The following CERK variants were observed in gnomAD, a reference collection of about 807,000 sequenced individuals.
CERK encodes ceramide kinase.
In CERK, 39 loss-of-function variants were observed where a neutral mutation model predicts 63.4. That is an observed-to-expected ratio of 0.61 (90% CI 0.48 to 0.80). CERK has a LOEUF of 0.80. CERK is among the 30% of genes least tolerant of loss of function. The probability of loss-of-function intolerance (pLI) is 0.00; values close to 1 mark genes in which losing one functional copy is unlikely to be tolerated. For missense variants in CERK, 670 were observed against 714.1 expected, an observed-to-expected ratio of 0.94 and a Z score of 0.70; for synonymous variants, 302 against 280.0, an observed-to-expected ratio of 1.08 and a Z score of -0.78.
At chr22:46,695,381 T>C (rs1233962574) in intron 8 of CERK, 66 bp from the exon 9 acceptor site, 7 of 983,242 alleles carry the variant, frequency 7.1e-6, no homozygotes, top group Non-Finnish European at 1.2e-5. Context: ...GATGCTGTGC[T>C]GGGCAGCTTC....
chr22:46,685,806 C>G lies in CERK; in HGVS notation c.*1328G>C, dbSNP rs1015460660. On this transcript the variant is annotated 3_prime_UTR_variant, in exon 13 of 13. Coordinates refer to ENST00000216264, the MANE Select transcript of CERK (RefSeq NM_022766.6). ...TGCCAGGAAATTCTGAAAATGGATG[C>G]TGCCTGTTAAACATGAAATCACTAA... 2 of 152,188 alleles carry G rather than the reference C, an allele frequency of 1.3e-5. No individual in the cohort carries two copies. The highest frequency in any genetic ancestry group is 4.8e-5 in the African/African-American group (2 of 41,440). The allele number at this position is 152,188 out of a possible 1,614,324, so 9.4% of individuals were successfully genotyped here.
In CERK at chr22:46,721,722, G is replaced by C. The variant is rs192645969; in HGVS notation, c.143-707C>G. Among the ~76,000 whole-genome samples the C allele has an allele frequency of 5.3e-5, 8 of 152,238 alleles. No homozygotes were observed. The East Asian group carries it at 1.4e-3, about 26-fold the overall frequency. ...GGAGGGAGACACGTGACAGGACCCG[G>C]GACAGCTGGAACCACGGAGCTTGCA... On this transcript the variant is annotated intron_variant, in intron 1 of 12. Transcript: ENST00000216264.
intron 6 of CERK, among the ~76,000 whole-genome samples, chr22:46,703,397 C>T (rs967628939): frequency 6.6e-6 from 1 of 152,202 alleles, no homozygotes; most frequent in African/African-American, 2.4e-5. Context: ...GACCTCTGCA[C>T]CTTCTAGCGG....
chr22:46,719,955 G>A, intron 3 of CERK, 131 bp downstream of exon 3: 1 of 1,241,772 alleles, frequency 8.1e-7, no homozygotes, highest in Non-Finnish European at 1.1e-6. Context: ...AATTAAGTCA[G>A]CCTGACTCAT....
chr22:46,732,265 C>T (rs1418031562), intron 1 of CERK, among the ~76,000 whole-genome samples: 1 of 152,086 alleles, frequency 6.6e-6, no homozygotes. Flanking sequence ...GAGGAGAACT[C>T]GTGCCTGGAA....
intron 1 of CERK, among the ~76,000 whole-genome samples, chr22:46,731,657 G>C (rs370903499): frequency 6.6e-6 from 1 of 152,246 alleles, no homozygotes; most frequent in South Asian, 2.1e-4. Context: ...AGGGAGGGCA[G>C]AGGGCACCTG....
intron 1 of CERK, among the ~76,000 whole-genome samples, chr22:46,730,114 T>C (rs555796032): frequency 6.6e-6 from 1 of 151,896 alleles, no homozygotes; most frequent in Non-Finnish European, 1.5e-5. Flanking sequence ...CAGTTGAACA[T>C]ACTTGAAGTT....
At chr22:46,698,317 C>A (rs575368642) in intron 8 of CERK, among the ~76,000 whole-genome samples, 1 of 152,256 alleles carries the variant, frequency 6.6e-6, no homozygotes, top group African/African-American at 2.4e-5. Flanking sequence ...GCGGCCGAGC[C>A]GCAGGAAGGC....
At position 46,720,998 on chromosome 22, in the gene CERK, C is replaced by G. The variant is rs754209543; in HGVS notation, c.160G>C (p.Val54Leu). Residue 54 changes from valine (V) to leucine (L), a missense_variant, in exon 2 of 13, where the codon GTA becomes CTA. Transcript: ENST00000216264. ...TCCTCAACGGCGATGATCTCAGATA[C>G]AGGCACAGAGCAGGCATCTGTAAAA... ...APGADACSVP[V>L]SEIIAVEETD... 1.2e-6 allele frequency: 2 copies of G among 1,612,698 alleles called. No individual in the cohort carries two copies. The highest frequency in any genetic ancestry group is 1.7e-5 in the Admixed American group (1 of 59,994).
chr22:46,731,280 A>C (rs1278172616), intron 1 of CERK, among the ~76,000 whole-genome samples: 1 of 152,222 alleles, frequency 6.6e-6, no homozygotes, highest in Admixed American at 6.5e-5. Context: ...ACTGAGCTGC[A>C]AGGTGCCCAC....
At chr22:46,701,008 C>G (rs1443008778) in intron 7 of CERK, among the ~76,000 whole-genome samples, 2 of 149,590 alleles carry the variant, frequency 1.3e-5, no homozygotes, top group African/African-American at 4.9e-5. Flanking sequence ...GAAACTCCAT[C>G]TCAAAAAAAA....
chr22:46,723,447 C>T (rs769514521), intron 1 of CERK, among the ~76,000 whole-genome samples: 15 of 151,906 alleles, frequency 9.9e-5, no homozygotes, highest in Non-Finnish European at 1.5e-4. Context: ...GGTGAAACCC[C>T]GTCTCTACTA....
intron 8 of CERK, among the ~76,000 whole-genome samples, chr22:46,698,737 C>CAA (rs11318333): frequency 7.0e-6 from 1 of 143,704 alleles, no homozygotes; most frequent in Admixed American, 7.0e-5. Context: ...CAAAAATATA[C>CAA]AAAAAAAAAA....
At chr22:46,691,804 TCA>T (rs1223073561) in intron 10 of CERK, 27 bp from the exon 11 acceptor site, 3 of 1,590,710 alleles carry the variant, frequency 1.9e-6, no homozygotes, top group Non-Finnish European at 2.6e-6. Flanking sequence ...CACGGAGATG[TCA>T]CAGTTACAAT....
chr22:46,720,323 G>A, intron 2 of CERK, 115 bp from the exon 3 acceptor site: 2 of 1,244,496 alleles, frequency 1.6e-6, no homozygotes, highest in Non-Finnish European at 2.2e-6. Context: ...AATTTCCCAG[G>A]GGTTCTCCTC....
At chr22:46,711,002 GAA>G in intron 5 of CERK, 82 bp downstream of exon 5, 1 of 1,117,526 alleles carries the variant, frequency 8.9e-7, no homozygotes, top group South Asian at 1.3e-5. Flanking sequence ...GCGGATTTAG[GAA>G]AAGGAGCTCT....
At chr22:46,726,296 C>G (rs1182268058) in intron 1 of CERK, among the ~76,000 whole-genome samples, 1 of 152,230 alleles carries the variant, frequency 6.6e-6, no homozygotes, top group African/African-American at 2.4e-5. Context: ...TGGGACTCTC[C>G]CTAATGCAAG....
chr22:46,729,367 T>G (rs1180947157), intron 1 of CERK, among the ~76,000 whole-genome samples: 1 of 152,024 alleles, frequency 6.6e-6, no homozygotes, highest in Non-Finnish European at 1.5e-5. Context: ...AATAAATTAA[T>G]TAATTTAATT....
rs2082697168 is a variant in CERK, at chr22:46,685,807, T to C, written c.*1327A>G. 6.6e-5 allele frequency: 10 copies of C among 152,228 alleles called. No homozygotes were observed. Among genetic ancestry groups the C allele is most frequent in the Admixed American group, 6.5e-4 (10 of 15,284 alleles). The allele number at this position is 152,228 out of a possible 1,614,324, so 9.4% of individuals were successfully genotyped here. A position where few individuals can be genotyped will look rare whatever the true frequency, so the allele number is the denominator to read the frequency against. Reference sequence around the variant, plus strand: ...GCCAGGAAATTCTGAAAATGGATGCTGCCTGTTAAACATGAAATCACTAAG... The same window carrying C: ...GCCAGGAAATTCTGAAAATGGATGCCGCCTGTTAAACATGAAATCACTAAG... On this transcript the variant is annotated 3_prime_UTR_variant, in exon 13 of 13. Coordinates refer to ENST00000216264, the MANE Select transcript of CERK (RefSeq NM_022766.6).
Sources: gnomAD v4.1 joint callset for allele counts (sites outside exome capture counted in the v4.1 genomes callset) on GRCh38, gnomAD v4.1.1 for gene constraint, MANE v1.5 for transcripts, NCBI Gene and HGNC (gene_info 2026-07-23, HGNC 2026-07-21) for gene names.